Variants in DYM observed in about 807,000 individuals in gnomAD.
DYM encodes dyggve-Melchior-Clausen syndrome protein.
Under a neutral mutation model 93.1 loss-of-function variants are expected in DYM, and 78 were observed. That is an observed-to-expected ratio of 0.84 (90% CI 0.70 to 1.01). The LOEUF (loss-of-function observed/expected upper bound fraction) is 1.01, where lower values mean the gene tolerates loss of function less well. Ranked by LOEUF, DYM falls within the 50% of genes least tolerant of loss-of-function variation. The probability of loss-of-function intolerance (pLI) is 0.00; values close to 1 mark genes in which losing one functional copy is unlikely to be tolerated. For missense variants in DYM, 789 were observed against 845.0 expected (o/e 0.93, Z 0.82); for synonymous variants, 321 against 319.7 (o/e 1.00, Z -0.04).
chr18:49,415,709 C>T (rs1484441291), intron 2 of DYM, among the ~76,000 whole-genome samples: 2 of 152,110 alleles, frequency 1.3e-5, no homozygotes, highest in East Asian at 1.9e-4. Context: ...GGGTGGATTG[C>T]TTGAGGCCAG....
chr18:49,361,863 T>A (rs1057305787), intron 6 of DYM, among the ~76,000 whole-genome samples: 19 of 152,068 alleles, frequency 1.2e-4, no homozygotes, highest in African/African-American at 4.6e-4. Context: ...GTAGCTGGGA[T>A]TACAGGCATG....
Position 49,097,443 on chromosome 18 carries a change from T to A in DYM, c.1984A>T (p.Ile662Phe). ...ELSVERVLEI[I>F]KQGVVALPKD... ...GGCAGCGCAACGACGCCTTGCTTAA[T>A]GATTTCCAGGACCCGTTCCACTGAC... Residue 662 changes from isoleucine (I) to phenylalanine (F), a missense_variant, in exon 17 of 18, where the codon ATT (isoleucine) becomes TTT (phenylalanine). Physicochemically the swap from Ile to Phe is conservative, Grantham distance 21. This residue lies in a region of DYM where 114 missense variants were observed against 105.8 expected (regional missense o/e 1.08). Transcript: ENST00000675505. The A allele has an allele frequency of 5.0e-6, 8 of 1,614,084 alleles. No homozygotes were observed. The highest frequency in any genetic ancestry group is 6.8e-6 in the Non-Finnish European group (8 of 1,179,942).
intron 7 of DYM, among the ~76,000 whole-genome samples, chr18:49,333,043 C>A (rs1346590898): frequency 6.6e-6 from 1 of 152,118 alleles, no homozygotes; most frequent in Admixed American, 6.5e-5. Flanking sequence ...ATCAGGGTAG[C>A]AAAAAGAATA....
intron 6 of DYM, among the ~76,000 whole-genome samples, chr18:49,337,983 G>C (rs952776883): frequency 6.6e-6 from 1 of 152,122 alleles, no homozygotes; most frequent in South Asian, 2.1e-4. Context: ...AAAGGGGTGG[G>C]AGCAAAGGGA....
intron 17 of DYM, among the ~76,000 whole-genome samples, chr18:49,090,310 A>C (rs901072629): frequency 3.9e-5 from 6 of 152,212 alleles, no homozygotes; most frequent in Non-Finnish European, 8.8e-5. Context: ...TCCTTTGAGG[A>C]TAGAAGCCCA....
At chr18:49,355,572 T>C (rs1339218336) in intron 6 of DYM, among the ~76,000 whole-genome samples, 1 of 152,146 alleles carries the variant, frequency 6.6e-6, no homozygotes, top group Non-Finnish European at 1.5e-5. Context: ...TGAAGTAAAC[T>C]ATATTTGGGT....
chr18:49,249,018 G>C (rs1226300169), intron 13 of DYM, among the ~76,000 whole-genome samples: 1 of 152,202 alleles, frequency 6.6e-6, no homozygotes, highest in Non-Finnish European at 1.5e-5. Flanking sequence ...TGACCACCAA[G>C]GGCACGGCTA....
chr18:49,440,451 T>C lies in DYM; in HGVS notation c.-53-10004A>G, dbSNP rs1332576681. Among the ~76,000 whole-genome samples the C allele has an allele frequency of 3.6e-4, 39 of 107,272 alleles. 3 individuals carry two copies. Among genetic ancestry groups the C allele is most frequent in the African/African-American group, 1.2e-3 (35 of 28,704 alleles). The allele number at this position is 107,272 out of a possible 152,430, so 70.4% of individuals were successfully genotyped here. A position where few individuals can be genotyped will look rare whatever the true frequency, so the allele number is the denominator to read the frequency against. ...ATTTAGGAGTAAAGTGACTATATAT[T>C]ATATATTTATATAATATATGACTAT... On this transcript the variant is annotated intron_variant, in intron 1 of 17. Coordinates refer to ENST00000675505, the MANE Select transcript of DYM (RefSeq NM_001353214.3).
intron 13 of DYM, among the ~76,000 whole-genome samples, chr18:49,217,492 G>T (rs1479011301): frequency 2.0e-5 from 3 of 152,124 alleles, no homozygotes; most frequent in Non-Finnish European, 4.4e-5. Context: ...AAATGTTAAG[G>T]GCAGCCAGAG....
intron 16 of DYM, among the ~76,000 whole-genome samples, chr18:49,115,643 A>G (rs1365823051): frequency 2.0e-5 from 3 of 152,244 alleles, no homozygotes; most frequent in Non-Finnish European, 4.4e-5. Flanking sequence ...GAAAATGGAC[A>G]TGTTGGATAT....
intron 6 of DYM, among the ~76,000 whole-genome samples, chr18:49,354,068 A>C (rs147267040): frequency 6.6e-6 from 1 of 152,130 alleles, no homozygotes; most frequent in Non-Finnish European, 1.5e-5. Context: ...TGACACTGGC[A>C]AAAGAATAAA....
chr18:49,096,492 T>C lies in DYM; in HGVS notation c.2025+910A>G, dbSNP rs115962494. On this transcript the variant is annotated intron_variant, in intron 17 of 17. Transcript: ENST00000675505. ...AGACGTGAACTGTGACAAAACACTATGAAGGCCAAATATCCACTATGACCT... is the reference window on the plus strand; with the variant it reads ...AGACGTGAACTGTGACAAAACACTACGAAGGCCAAATATCCACTATGACCT... Among the ~76,000 whole-genome samples the C allele has an allele frequency of 2.7e-3, 410 of 152,304 alleles. 2 individuals carry two copies. The highest frequency in any genetic ancestry group is 9.6e-3 in the African/African-American group (401 of 41,562).
At chr18:49,447,971 C>G (rs6507910) in intron 1 of DYM, among the ~76,000 whole-genome samples, 5,327 of 152,164 alleles carry the variant, frequency 0.035, 314 homozygotes, top group African/African-American at 0.12. Flanking sequence ...CTCTCTCTGC[C>G]CTTGGTCTAG....
chr18:49,212,661 A>G (rs543702080), intron 13 of DYM, among the ~76,000 whole-genome samples: 1 of 152,224 alleles, frequency 6.6e-6, no homozygotes. Flanking sequence ...ACACTCAGCT[A>G]ATTTTTAAAA....
At chr18:49,089,635 TGTTTAACCAGACAGATTCCTGA>T (rs1443294177) in intron 17 of DYM, among the ~76,000 whole-genome samples, 1 of 152,238 alleles carries the variant, frequency 6.6e-6, no homozygotes, top group Non-Finnish European at 1.5e-5. Context: ...CTCAAAGAAC[TGTTTAACCAGACAGATTCCTGA>T]GTTCATCACC....
intron 16 of DYM, among the ~76,000 whole-genome samples, chr18:49,101,086 T>C (rs539851861): frequency 6.6e-6 from 1 of 152,208 alleles, no homozygotes; most frequent in East Asian, 1.9e-4. Context: ...ATAGTACTTT[T>C]AGTGATGATG....
intron 2 of DYM, among the ~76,000 whole-genome samples, chr18:49,413,455 A>T (rs1441289318): frequency 1.3e-5 from 2 of 149,422 alleles, no homozygotes; most frequent in Non-Finnish European, 3.0e-5. Context: ...GAATTATATT[A>T]TCATTATATC....
chr18:49,057,171 T>G (rs1295051729), intron 17 of DYM, among the ~76,000 whole-genome samples: 7 of 152,246 alleles, frequency 4.6e-5, no homozygotes, highest in Non-Finnish European at 7.3e-5. Context: ...ACTTTTTTTT[T>G]GGTAATTTTC....
At position 49,068,643 on chromosome 18, in the gene DYM, C is replaced by T. The variant is rs547888335; in HGVS notation, c.2026-24439G>A. 1.1e-4 allele frequency among the ~76,000 whole-genome samples: 17 copies of T among 152,210 alleles called. No individual in the cohort carries two copies. The South Asian group carries it at 2.1e-3, about 19-fold the overall frequency. On this transcript the variant is annotated intron_variant, in intron 17 of 17. Coordinates refer to ENST00000675505, the MANE Select transcript of DYM (RefSeq NM_001353214.3). ...AACTGGGTACCCTGACACTTGGCTG[C>T]TTTTTTAAAAACTTAAAAAGCCACA...
Sources: gnomAD v4.1 joint callset for allele counts (sites outside exome capture counted in the v4.1 genomes callset) on GRCh38, gnomAD v4.1.1 for gene constraint, gnomAD v4.1.1 regional missense constraint, MANE v1.5 for transcripts, NCBI Gene and HGNC (gene_info 2026-07-23, HGNC 2026-07-21) for gene names.